The following EIPR1 variants were observed in gnomAD, a reference collection of about 807,000 sequenced individuals.
The protein encoded by EIPR1 is EARP complex and GARP complex interacting protein 1.
EIPR1 carries 25 observed loss-of-function variants against 48.1 expected under a neutral mutation model. The ratio of observed to expected loss-of-function variants is 0.52; its 90% CI spans 0.38 to 0.73. The LOEUF (loss-of-function observed/expected upper bound fraction) is 0.73. Among genes scored for constraint, EIPR1 ranks in the 30% least tolerant of loss-of-function variants. The pLI, the probability that EIPR1 is intolerant of heterozygous loss-of-function variation, is 0.00. For synonymous variants in EIPR1, 204 were observed against 201.9 expected, an observed-to-expected ratio of 1.01 and a Z score of -0.09; for missense variants, 415 against 506.2, an observed-to-expected ratio of 0.82 and a Z score of 1.73.
chr2:3,335,479 G>T (rs1388893050), intron 3 of EIPR1, among the ~76,000 whole-genome samples: 1 of 152,086 alleles, frequency 6.6e-6, no homozygotes, highest in Non-Finnish European at 1.5e-5. Context: ...TTTCCTGGTG[G>T]GGGGACAGGG....
At chr2:3,262,690 C>T (rs1667370597) in intron 3 of EIPR1, among the ~76,000 whole-genome samples, 1 of 152,154 alleles carries the variant, frequency 6.6e-6, no homozygotes, top group African/African-American at 2.4e-5. Context: ...GTTGGAGTCA[C>T]CACGTGGTCC....
At chr2:3,362,103 C>T (rs1446540007) in intron 1 of EIPR1, among the ~76,000 whole-genome samples, 2 of 152,356 alleles carry the variant, frequency 1.3e-5, no homozygotes, top group South Asian at 2.1e-4. Flanking sequence ...CCCCTGGGCA[C>T]GTCCACTCAA....
intron 3 of EIPR1, among the ~76,000 whole-genome samples, chr2:3,269,582 ACT>A (rs879921912): frequency 0.12 from 10,407 of 86,566 alleles, 2,940 homozygotes; most frequent in East Asian, 0.25. Flanking sequence ...CAGTCATCGC[ACT>A]CAATCATCGC....
At chr2:3,243,671 T>TAAA (rs1666708015) in intron 4 of EIPR1, among the ~76,000 whole-genome samples, 1 of 152,014 alleles carries the variant, frequency 6.6e-6, no homozygotes, top group African/African-American at 2.4e-5. Context: ...AAATTTTTTT[T>TAAA]AAAAATTTAA....
chr2:3,311,382 A>G (rs976968570), intron 3 of EIPR1, among the ~76,000 whole-genome samples: 23 of 152,146 alleles, frequency 1.5e-4, no homozygotes, highest in Non-Finnish European at 2.5e-4. Flanking sequence ...AAAAAAAAAT[A>G]TTTTTAGAAA....
chr2:3,336,890 AAGGGAAGG>A (rs1432568265), intron 3 of EIPR1, among the ~76,000 whole-genome samples: 86 of 75,754 alleles, frequency 1.1e-3, no homozygotes, highest in Non-Finnish European at 1.9e-3. Context: ...GGGAAAAGGG[AAGGGAAGG>A]GAAAAGGGAA....
intron 3 of EIPR1, chr2:3,274,391 G>A (rs936525288): frequency 6.4e-7 from 1 of 1,550,402 alleles, no homozygotes; most frequent in African/African-American, 1.4e-5. Context: ...GAGCACCAAA[G>A]GAATCCAGAG....
intron 3 of EIPR1, among the ~76,000 whole-genome samples, chr2:3,321,649 G>A (rs1669533634): frequency 6.6e-6 from 1 of 152,248 alleles, no homozygotes; most frequent in East Asian, 1.9e-4. Context: ...GAGATCAAGG[G>A]GAAAATGCAT....
chr2:3,246,341 A>T (rs1414300057), intron 4 of EIPR1, among the ~76,000 whole-genome samples: 2 of 152,222 alleles, frequency 1.3e-5, no homozygotes, highest in Admixed American at 1.3e-4. Flanking sequence ...AAAAATGAAG[A>T]GAGCTGAAGC....
intron 5 of EIPR1, among the ~76,000 whole-genome samples, chr2:3,201,199 C>T (rs1032143658): frequency 6.6e-5 from 10 of 152,174 alleles, no homozygotes; most frequent in African/African-American, 1.7e-4. Context: ...GAGGCAAAAG[C>T]GCCGGGAACA....
At chr2:3,248,321 C>A (rs947371406) in intron 4 of EIPR1, among the ~76,000 whole-genome samples, 1 of 151,890 alleles carries the variant, frequency 6.6e-6, no homozygotes, top group Non-Finnish European at 1.5e-5. Flanking sequence ...GAGCTGGGTG[C>A]GGTGGCACAC....
chr2:3,282,425 C>T (rs951301258), intron 3 of EIPR1: 1 of 152,328 alleles, frequency 6.6e-6, no homozygotes, highest in Non-Finnish European at 1.5e-5. Flanking sequence ...CACTTCCTTT[C>T]TTGTGTTCCC....
intron 3 of EIPR1, among the ~76,000 whole-genome samples, chr2:3,322,997 G>A (rs980605222): frequency 2.0e-5 from 3 of 152,054 alleles, no homozygotes; most frequent in Admixed American, 6.6e-5. Context: ...AGCGACAAAC[G>A]TTACGAAAAT....
In EIPR1 at chr2:3,192,584, G is replaced by T; in HGVS notation, c.822-3C>A. 6.2e-7 allele frequency: 1 copy of T among 1,609,846 alleles called. No individual in the cohort carries two copies. ...GGTTGTAGCGGACGTTCCACACCCT[G>T]CAAAGGGCAAGGCAGCTGCTGAAAT... On this transcript the variant is annotated splice_polypyrimidine_tract_variant and splice_region_variant and intron_variant, in intron 7 of 8. Coordinates refer to ENST00000382125, the MANE Select transcript of EIPR1 (RefSeq NM_003310.5).
intron 4 of EIPR1, among the ~76,000 whole-genome samples, chr2:3,235,056 G>A (rs573988547): frequency 3.8e-4 from 58 of 152,354 alleles, no homozygotes; most frequent in African/African-American, 1.3e-3. Flanking sequence ...TTAAGTCTGT[G>A]TGTGTTTTCC....
Position 3,371,312 on chromosome 2 carries a change from G to C in EIPR1, c.42+6336C>G, listed in dbSNP as rs1412347734. On this transcript the variant is annotated intron_variant, in intron 1 of 8. Coordinates refer to ENST00000382125, the MANE Select transcript of EIPR1 (RefSeq NM_003310.5). ...CAAAATGTAAAGACCATCGACATTA[G>C]GAAGAAACTGCATCAACTAACAAGC... Among the ~76,000 whole-genome samples, 3 of 152,240 alleles carry C rather than the reference G, an allele frequency of 2.0e-5. No homozygotes were observed. In the East Asian group the frequency reaches 5.8e-4, roughly 29 times the overall value.
At chr2:3,334,987 T>G (rs1670001825) in intron 3 of EIPR1, among the ~76,000 whole-genome samples, 1 of 152,096 alleles carries the variant, frequency 6.6e-6, no homozygotes, top group South Asian at 2.1e-4. Flanking sequence ...TTGTTTTAGT[T>G]TTCTGTTGCT....
intron 2 of EIPR1, among the ~76,000 whole-genome samples, chr2:3,352,761 C>G (rs1670617534): frequency 6.6e-6 from 1 of 152,248 alleles, no homozygotes; most frequent in African/African-American, 2.4e-5. Flanking sequence ...CTTTGGGAGG[C>G]TGAGGCCAGC....
intron 3 of EIPR1, among the ~76,000 whole-genome samples, chr2:3,285,314 C>G (rs1448564520): frequency 9.5e-5 from 12 of 125,766 alleles, no homozygotes; most frequent in Non-Finnish European, 1.9e-4. Context: ...AGCCAACACC[C>G]TCCCACCCCC....
Sources: allele counts gnomAD v4.1 joint callset (sites outside exome capture counted in the v4.1 genomes callset), GRCh38; gene constraint gnomAD v4.1.1; transcripts MANE v1.5; gene names NCBI Gene and HGNC (gene_info 2026-07-23, HGNC 2026-07-21).